RBM23: variants seen among roughly 807,000 people sequenced by gnomAD.
The protein encoded by RBM23 is RNA binding motif protein 23, also known as probable RNA-binding protein 23.
A neutral mutation model predicts 56.2 loss-of-function variants in RBM23; 53 were observed. That is an observed-to-expected ratio of 0.94 (90% CI 0.76 to 1.19). The LOEUF (loss-of-function observed/expected upper bound fraction) is 1.19. RBM23 is among the 50% of genes most tolerant of loss of function. The pLI, the probability that RBM23 is intolerant of heterozygous loss-of-function variation, is 0.00. For missense variants in RBM23, 642 were observed against 590.3 expected (o/e 1.09, Z -0.91); for synonymous variants, 197 against 198.5 (o/e 0.99, Z 0.06).
At chr14:22,902,790 G>A (rs539524372) in intron 10 of RBM23, 189 of 930,716 alleles carry the variant, frequency 2.0e-4, no homozygotes, top group East Asian at 4.5e-4. Flanking sequence ...TTTTTGAGAC[G>A]GAGTCCCACT....
At chr14:22,909,788 G>A (rs2042151236) in intron 2 of RBM23, among the ~76,000 whole-genome samples, 193 bp from the exon 3 acceptor site, 1 of 152,164 alleles carries the variant, frequency 6.6e-6, no homozygotes, top group African/African-American at 2.4e-5. Context: ...GAAGAGATCA[G>A]CATGACAGAT....
rs569148856 is a variant in RBM23 at position 22,906,464 on chromosome 14, T to C, written c.228-96A>G. 56 of 1,421,896 alleles carry C rather than the reference T, an allele frequency of 3.9e-5. No homozygotes were observed. In the African/African-American group the frequency reaches 7.3e-4, roughly 19 times the overall value. 88.1% of individuals were successfully genotyped at this position (1,421,896 alleles called of 1,614,324 possible). ...TGGTCCCATAAGATTATAACGGTGC[T>C]GAGAAGTTCGTATAACCTAGTGATG... On this transcript the variant is annotated intron_variant, in intron 4 of 13. Transcript: ENST00000359890.
At chr14:22,907,604 A>G (rs995478371) in intron 4 of RBM23, among the ~76,000 whole-genome samples, 1 of 152,234 alleles carries the variant, frequency 6.6e-6, no homozygotes, top group Non-Finnish European at 1.5e-5. Flanking sequence ...AAAATAAAAC[A>G]ATTACGTACA....
At chr14:22,901,914 A>G (rs753060327) in intron 12 of RBM23, 31 bp from the exon 13 acceptor site, 4 of 1,613,932 alleles carry the variant, frequency 2.5e-6, no homozygotes, top group East Asian at 2.2e-5. Context: ...GTGAGTGAGC[A>G]AGCACCGCGC....
chr14:22,899,923 G>C lies in RBM23; in HGVS notation c.*1807C>G, dbSNP rs545105405. 5 of 152,286 alleles carry C rather than the reference G, an allele frequency of 3.3e-5. No homozygotes were observed. The South Asian group carries it at 1.0e-3, about 32-fold the overall frequency. The allele number at this position is 152,286 out of a possible 1,614,324, so 9.4% of individuals were successfully genotyped here. ...AGTCTTAGCATTTTGTTGCCATAGA[G>C]ATCAAAAAAGGAGCCCCACAGAGCC... On this transcript the variant is annotated 3_prime_UTR_variant, in exon 14 of 14. Transcript: ENST00000359890.
chr14:22,903,640 AG>A (rs2041005822), intron 10 of RBM23: 2 of 1,000,000 alleles, frequency 2.0e-6, no homozygotes. Context: ...GTTTAAGCCC[AG>A]AAAATACAAG....
At chr14:22,907,918 A>G (rs2041845702) in intron 4 of RBM23, among the ~76,000 whole-genome samples, 1 of 152,252 alleles carries the variant, frequency 6.6e-6, no homozygotes, top group Non-Finnish European at 1.5e-5. Flanking sequence ...AAAGACAAAA[A>G]AATTTAAAAA....
intron 10 of RBM23, 55 bp from the exon 11 acceptor site, chr14:22,902,437 A>C (rs1408978785): frequency 5.1e-6 from 8 of 1,578,608 alleles, no homozygotes; most frequent in Non-Finnish European, 6.0e-6. Flanking sequence ...ATGCTCTCAA[A>C]GACCCAGTAA....
chr14:22,901,601 T>A lies in RBM23; in HGVS notation c.*129A>T, dbSNP rs1594202684. ...TTGGTATCTTAAGGGTGGCCCCAAT[T>A]TCCTCAGAGACAATGTCCATGCCCT... On this transcript the variant is annotated 3_prime_UTR_variant, in exon 14 of 14. Coordinates refer to ENST00000359890, the MANE Select transcript of RBM23 (RefSeq NM_001077351.2). 7.3e-7 allele frequency: 1 copy of A among 1,377,560 alleles called. No homozygotes were observed. Among genetic ancestry groups the A allele is most frequent in the East Asian group, 2.3e-5 (1 of 43,378 alleles). 85.3% of individuals were successfully genotyped at this position (1,377,560 alleles called of 1,614,324 possible). A position where few individuals can be genotyped will look rare whatever the true frequency, so the allele number is the denominator to read the frequency against.
At chr14:22,904,408 T>C in intron 9 of RBM23, 82 bp from the exon 10 acceptor site, 1 of 1,292,164 alleles carries the variant, frequency 7.7e-7, no homozygotes, top group Non-Finnish European at 1.1e-6. Context: ...CTTTTTTTTT[T>C]TTTTTGAGAC....
In RBM23 at chr14:22,917,566, CT is replaced by C. The variant is rs912530097; in HGVS notation, c.-11+1432del. On this transcript the variant is annotated intron_variant, in intron 1 of 13. Transcript: ENST00000359890. ...GGCTGGTAGTTTTTTCTTTTTTCTT[CT>C]TTTTTGTTTTTTTTTTGTATTTTTA... 6 of 151,022 alleles carry C rather than the reference CT, an allele frequency of 4.0e-5. No individual in the cohort carries two copies. The South Asian group carries it at 6.3e-4, about 16-fold the overall frequency. The allele number at this position is 151,022 out of a possible 1,614,324, so 9.4% of individuals were successfully genotyped here. A position where few individuals can be genotyped will look rare whatever the true frequency, so the allele number is the denominator to read the frequency against.
Position 22,911,333 on chromosome 14 carries a change from C to G in RBM23, c.61G>C (p.Glu21Gln), listed in dbSNP as rs748610201. 1 of 1,613,510 alleles carries G rather than the reference C, an allele frequency of 6.2e-7. No individual in the cohort carries two copies. The highest frequency in any genetic ancestry group is 8.5e-7 in the Non-Finnish European group (1 of 1,179,632). The change falls in exon 2 of 14, where the codon GAA becomes CAA. Residue 21 changes from glutamate to glutamine, a missense_variant. By Grantham distance (29) the Glu-to-Gln change is conservative. Transcript: ENST00000359890. ...AGTGAGGTGGAAAATATTACCTCTTCTTTTTTATAGGGAGCTTCCAGCATG... is the reference window on the plus strand; with the variant it reads ...AGTGAGGTGGAAAATATTACCTCTTGTTTTTTATAGGGAGCTTCCAGCATG... ...EAMLEAPYKK[E>Q]EDEQQRKEVK...
At position 22,908,529 on chromosome 14, in the gene RBM23, A is replaced by G. The variant is rs1353520817; in HGVS notation, c.180-149T>C. 6.6e-6 allele frequency: 5 copies of G among 756,292 alleles called. No individual in the cohort carries two copies. The East Asian group carries it at 1.5e-4, about 22-fold the overall frequency. 46.8% of individuals were successfully genotyped at this position (756,292 alleles called of 1,614,324 possible). ...TGCCTTAGCCTCCTGAGTAGCTGGG[A>G]TTACAGGCATGTACCATCATGCCCA... On this transcript the variant is annotated intron_variant, in intron 3 of 13. Transcript: ENST00000359890.
At chr14:22,902,909 G>C in intron 10 of RBM23, 1 of 681,718 alleles carries the variant, frequency 1.5e-6, no homozygotes, top group South Asian at 6.6e-5. Context: ...CGAGTAGCTG[G>C]AATTACAGGC....
Position 22,908,378 on chromosome 14 carries a change from T to C in RBM23, c.182A>G (p.Lys61Arg). 1.9e-6 allele frequency: 3 copies of C among 1,548,688 alleles called. No individual in the cohort carries two copies. Among genetic ancestry groups the C allele is most frequent in the Non-Finnish European group, 2.6e-6 (3 of 1,146,802 alleles). ...GSSTIGETSKKKRSRSHNKSR... is the reference protein window; with the variant it reads ...GSSTIGETSKRKRSRSHNKSR... ...TTTATTATGGCTCCGACTCCTCTTC[T>C]TCCTGTGAAAGAGAGTACATTCTTC... is the stretch of plus-strand genomic sequence containing the variant. Residue 61 changes from lysine to arginine, a missense_variant and splice_region_variant, in exon 4 of 14, where the codon AAG becomes AGG. Coordinates refer to ENST00000359890, the MANE Select transcript of RBM23 (RefSeq NM_001077351.2).
chr14:22,902,651 C>T (rs1383541173), intron 10 of RBM23: 4 of 1,164,932 alleles, frequency 3.4e-6, no homozygotes, highest in Non-Finnish European at 4.2e-6. Context: ...TGTAGGAAAC[C>T]TAGCCTGACA....
At chr14:22,903,207 A>C (rs1361429912) in intron 10 of RBM23, 1 of 985,424 alleles carries the variant, frequency 1.0e-6, no homozygotes, top group African/African-American at 1.7e-5. Flanking sequence ...TGACTAAGTG[A>C]CCTGCTGACC....
At chr14:22,903,039 C>T in intron 10 of RBM23, 9 of 981,492 alleles carry the variant, frequency 9.2e-6, no homozygotes, top group Non-Finnish European at 1.1e-5. Context: ...ACCTTGGCCT[C>T]CCAAACTGCT....
At chr14:22,906,389 A>G (rs774869813) in intron 4 of RBM23, 21 bp from the exon 5 acceptor site, 5 of 1,611,208 alleles carry the variant, frequency 3.1e-6, no homozygotes, top group Non-Finnish European at 4.2e-6. Context: ...AAACAACTAC[A>G]GTCATGCCCA....
Sources: gnomAD v4.1 joint callset for allele counts (sites outside exome capture counted in the v4.1 genomes callset) on GRCh38, gnomAD v4.1.1 for gene constraint, MANE v1.5 for transcripts, NCBI Gene and HGNC (gene_info 2026-07-23, HGNC 2026-07-21) for gene names.